Variants in LDB3 observed in about 807,000 individuals in gnomAD.
LDB3 encodes the protein LIM domain-binding protein 3.
Under a neutral mutation model 69.0 loss-of-function variants are expected in LDB3, and 49 were observed. The ratio of observed to expected loss-of-function variants is 0.71; its 90% CI spans 0.56 to 0.90. LDB3 has a LOEUF of 0.90. LDB3 is among the 40% of genes least tolerant of loss of function. The pLI is 0.00. For missense variants in LDB3, 928 were observed against 974.1 expected (o/e 0.95, Z 0.63); for synonymous variants, 387 against 396.2 (o/e 0.98, Z 0.28).
chr10:86,711,683 G>A (rs1846673434), intron 9 of LDB3, among the ~76,000 whole-genome samples: 1 of 151,620 alleles, frequency 6.6e-6, no homozygotes, highest in South Asian at 2.1e-4. Flanking sequence ...CCGGGCCGAG[G>A]GCGGCGTTCG....
Position 86,710,018 on chromosome 10 carries a change from C to G in LDB3, c.1199C>G (p.Thr400Ser). Residue 400 changes from threonine (T) to serine (S), a missense_variant, in exon 9 of 14, where the codon ACT (threonine) becomes AGT (serine). Coordinates refer to ENST00000361373, the MANE Select transcript of LDB3 (RefSeq NM_007078.3). ...GCACCCAAGCCCCGGGTTGTCACCA[C>G]TGCCAGCATCCGGCCTTCTGTCTAC... ...APAPKPRVVT[T>S]ASIRPSVYQP... 6.2e-7 allele frequency: 1 copy of G among 1,613,226 alleles called. No homozygotes were observed. Among genetic ancestry groups the G allele is most frequent in the Non-Finnish European group, 8.5e-7 (1 of 1,180,026 alleles).
At chr10:86,671,686 G>T (rs1001393064) in intron 2 of LDB3, among the ~76,000 whole-genome samples, 1 of 152,192 alleles carries the variant, frequency 6.6e-6, no homozygotes, top group African/African-American at 2.4e-5. Context: ...GTGGTCTGGG[G>T]TCTCACCTCT....
At chr10:86,690,174 G>A (rs1845690603) in intron 5 of LDB3, among the ~76,000 whole-genome samples, 1 of 152,188 alleles carries the variant, frequency 6.6e-6, no homozygotes, top group African/African-American at 2.4e-5. Flanking sequence ...TCTGTAGAGA[G>A]GCTCAAGGGC....
At chr10:86,721,380 A>T (rs901822212) in intron 12 of LDB3, among the ~76,000 whole-genome samples, 4 of 152,222 alleles carry the variant, frequency 2.6e-5, no homozygotes, top group African/African-American at 7.2e-5. Context: ...CCAGAATGAT[A>T]GGGTCTAGGC....
chr10:86,724,209 G>T (rs1847179556), intron 12 of LDB3, among the ~76,000 whole-genome samples: 3 of 152,202 alleles, frequency 2.0e-5, no homozygotes, highest in Admixed American at 2.0e-4. Context: ...TACTTGGGAG[G>T]CTGAGGTGGG....
At chr10:86,676,566 A>G (rs1253476770) in intron 2 of LDB3, among the ~76,000 whole-genome samples, 1 of 125,174 alleles carries the variant, frequency 8.0e-6, no homozygotes, top group African/African-American at 4.4e-5. Flanking sequence ...CCCTGTCTCA[A>G]AAAAAAAAAA....
At chr10:86,717,566 G>A (rs1279548185) in intron 10 of LDB3, among the ~76,000 whole-genome samples, 1 of 152,182 alleles carries the variant, frequency 6.6e-6, no homozygotes, top group East Asian at 1.9e-4. Flanking sequence ...AGTACCTAGT[G>A]CGTAGGATTG....
chr10:86,704,078 C>A (rs575401160), intron 7 of LDB3, among the ~76,000 whole-genome samples: 38 of 151,538 alleles, frequency 2.5e-4, no homozygotes, highest in Admixed American at 2.5e-3. Flanking sequence ...CGCGACATTG[C>A]ACTCCAGCCT....
intron 5 of LDB3, among the ~76,000 whole-genome samples, chr10:86,682,293 G>T (rs901856073): frequency 1.3e-5 from 2 of 152,174 alleles, no homozygotes; most frequent in Non-Finnish European, 2.9e-5. Context: ...GCTGCCTGGA[G>T]GAGGGAGCCC....
intron 4 of LDB3, among the ~76,000 whole-genome samples, chr10:86,680,903 G>A (rs940201738): frequency 6.6e-6 from 1 of 152,238 alleles, no homozygotes; most frequent in South Asian, 2.1e-4. Flanking sequence ...GTAGGTCACA[G>A]ACTGGGGAAG....
intron 7 of LDB3, among the ~76,000 whole-genome samples, chr10:86,701,869 T>C (rs527677135): frequency 8.5e-5 from 13 of 152,354 alleles, no homozygotes; most frequent in Middle Eastern, 3.4e-3. Flanking sequence ...AGTAGTGGTC[T>C]GCATCTAGAC....
At chr10:86,700,039 A>G (rs550975200) in intron 7 of LDB3, 1 of 986,578 alleles carries the variant, frequency 1.0e-6, no homozygotes, top group South Asian at 4.7e-5. Flanking sequence ...AGAAGATTTG[A>G]AGTGAACCAC....
rs369419493 is a variant in LDB3 at position 86,691,948 on chromosome 10, G to C, written c.742G>C (p.Ala248Pro). 5.6e-6 allele frequency: 9 copies of C among 1,614,064 alleles called. No homozygotes were observed. The highest frequency in any genetic ancestry group is 7.6e-6 in the Non-Finnish European group (9 of 1,180,050). ...AVDSASPVYQ[A>P]VIKSQNKPED... ...AGACAGCGCCTCTCCCGTCTACCAGGCTGTGATTAAGAGCCAGAACAAGCC... is the reference window on the plus strand; with the variant it reads ...AGACAGCGCCTCTCCCGTCTACCAGCCTGTGATTAAGAGCCAGAACAAGCC... The change falls in exon 6 of 14, where the codon GCT (alanine) becomes CCT (proline). Residue 248 changes from alanine (A) to proline (P), a missense_variant. Transcript: ENST00000361373.
Position 86,679,362 on chromosome 10 carries a change from A to G in LDB3, c.94-5A>G. On this transcript the variant is annotated splice_polypyrimidine_tract_variant and splice_region_variant and intron_variant, in intron 2 of 13. Coordinates refer to ENST00000361373, the MANE Select transcript of LDB3 (RefSeq NM_007078.3). ...GCTCACCCCCCACCTCCACTATCCA[A>G]TCAGATCACACCAGGCAGCAAGGCA... 6.2e-7 allele frequency: 1 copy of G among 1,614,054 alleles called. No homozygotes were observed. Among genetic ancestry groups the G allele is most frequent in the Non-Finnish European group, 8.5e-7 (1 of 1,180,002 alleles).
chr10:86,712,934 G>A (rs1429478459), intron 9 of LDB3, among the ~76,000 whole-genome samples: 1 of 151,888 alleles, frequency 6.6e-6, no homozygotes, highest in African/African-American at 2.4e-5. Context: ...GGTGGCGGGC[G>A]CCTGTAGTCC....
At chr10:86,722,664 T>C (rs1300434673) in intron 12 of LDB3, among the ~76,000 whole-genome samples, 6 of 142,056 alleles carry the variant, frequency 4.2e-5, no homozygotes, top group Non-Finnish European at 9.1e-5. Flanking sequence ...GCCTTCTGGG[T>C]TCAAGCAATT....
At position 86,734,077 on chromosome 10, in the gene LDB3, A is replaced by G. The variant is rs1847555938; in HGVS notation, c.*1101A>G. The G allele has an allele frequency of 6.6e-6, 1 of 152,258 alleles. No homozygotes were observed. Among genetic ancestry groups the G allele is most frequent in the African/African-American group, 2.4e-5 (1 of 41,466 alleles). The allele number at this position is 152,258 out of a possible 1,614,324, so 9.4% of individuals were successfully genotyped here. On this transcript the variant is annotated 3_prime_UTR_variant, in exon 14 of 14. Transcript: ENST00000361373. Reference sequence around the variant, plus strand: ...CCTCAGTAAGAACACACGAGGAGGCAGGACCTCCCACCTTCAGGTCTGCAT... The same window carrying G: ...CCTCAGTAAGAACACACGAGGAGGCGGGACCTCCCACCTTCAGGTCTGCAT...
In LDB3 at chr10:86,699,740, C is replaced by T; in HGVS notation, c.897-6791C>T. ...AATGGATGGGCCGCTGCTCAGTTTC[C>T]CACCATCCTCAGCTCCTGGCCTCAT... is the stretch of plus-strand genomic sequence containing the variant. On this transcript the variant is annotated intron_variant, in intron 7 of 13. Transcript: ENST00000361373. This position sits in a 1 kb window ranked among gnomAD's most constrained non-coding sequence, Gnocchi z 4.9. 1 of 1,126,988 alleles carries T rather than the reference C, an allele frequency of 8.9e-7. No individual in the cohort carries two copies. Among genetic ancestry groups the T allele is most frequent in the East Asian group, 6.1e-5 (1 of 16,314 alleles). 69.8% of individuals were successfully genotyped at this position (1,126,988 alleles called of 1,614,324 possible).
chr10:86,730,821 A>G lies in LDB3; in HGVS notation c.2095-2066A>G, dbSNP rs374346291. ...GTTCTCTTCTTTCTGGGATGCCTCC[A>G]GCCTCAGACTATATGTTGTCATCAT... On this transcript the variant is annotated intron_variant, in intron 13 of 13. Coordinates refer to ENST00000361373, the MANE Select transcript of LDB3 (RefSeq NM_007078.3). Among the ~76,000 whole-genome samples, 3 of 152,350 alleles carry G rather than the reference A, an allele frequency of 2.0e-5. 1 individual carries two copies. The highest frequency in any genetic ancestry group is 7.2e-5 in the African/African-American group (3 of 41,590).
Sources: allele counts gnomAD v4.1 joint callset (sites outside exome capture counted in the v4.1 genomes callset), GRCh38; gene constraint gnomAD v4.1.1; non-coding constraint Gnocchi (gnomAD v3.1); transcripts MANE v1.5; gene names NCBI Gene and HGNC (gene_info 2026-07-23, HGNC 2026-07-21).